PCSK5: variants seen among roughly 807,000 people sequenced by gnomAD.
PCSK5 encodes the protein proprotein convertase subtilisin/kexin type 5, also known as prohormone convertase 5.
In PCSK5, 129 loss-of-function variants were observed where a neutral mutation model predicts 233.2. The ratio of observed to expected loss-of-function variants is 0.55; its 90% CI spans 0.48 to 0.64. The LOEUF is 0.64. Among genes scored for constraint, PCSK5 ranks in the 30% least tolerant of loss-of-function variants. PCSK5 has a pLI of 0.00. For missense variants in PCSK5, 2,076 were observed against 2,430.1 expected (o/e 0.85, Z 3.06); for synonymous variants, 825 against 879.2 (o/e 0.94, Z 1.09).
At chr9:76,140,430 A>T (rs1027043441) in intron 10 of PCSK5, among the ~76,000 whole-genome samples, 1 of 152,090 alleles carries the variant, frequency 6.6e-6, no homozygotes, top group Non-Finnish European at 1.5e-5. Context: ...AATTGAATGA[A>T]AAGTGCTTTG....
chr9:75,980,498 A>G (rs1166752524), intron 2 of PCSK5, among the ~76,000 whole-genome samples: 3 of 152,210 alleles, frequency 2.0e-5, no homozygotes, highest in Non-Finnish European at 4.4e-5. Context: ...AATAAGATTC[A>G]AAATGTCTGT....
chr9:76,154,862 G>C (rs929796915), intron 10 of PCSK5, among the ~76,000 whole-genome samples: 1 of 152,096 alleles, frequency 6.6e-6, no homozygotes, highest in African/African-American at 2.4e-5. Context: ...AGTTCCTTAA[G>C]CCCAAATTTG....
At chr9:75,897,140 G>A (rs947530663) in intron 1 of PCSK5, among the ~76,000 whole-genome samples, 6 of 152,154 alleles carry the variant, frequency 3.9e-5, no homozygotes, top group African/African-American at 1.4e-4. Flanking sequence ...TAGTGAAGAT[G>A]AGTGTGTATT....
intron 2 of PCSK5, 94 bp downstream of exon 2, chr9:75,932,577 C>G: frequency 1.3e-6 from 1 of 758,506 alleles, no homozygotes. Context: ...AGCATGAAGG[C>G]TCAGATTTCT....
intron 21 of PCSK5, among the ~76,000 whole-genome samples, chr9:76,230,965 T>C (rs569410126): frequency 6.6e-6 from 1 of 152,086 alleles, no homozygotes; most frequent in Non-Finnish European, 1.5e-5. Flanking sequence ...ACTTGAATCA[T>C]CCCAAAACCA....
At position 76,157,204 on chromosome 9, in the gene PCSK5, A is replaced by G. The variant is rs777763840; in HGVS notation, c.1430+42A>G. 6.0e-6 allele frequency: 8 copies of G among 1,324,018 alleles called. No individual in the cohort carries two copies. The South Asian group carries it at 8.2e-5, about 14-fold the overall frequency. The allele number at this position is 1,324,018 out of a possible 1,614,324, so 82.0% of individuals were successfully genotyped here. ...GCAAACAGCATGACAATGCCCCAAA[A>G]TAGAGCAAGCCAGTCAATTGCTCAA... On this transcript the variant is annotated intron_variant, in intron 11 of 37. Coordinates refer to ENST00000674117, the MANE Select transcript of PCSK5 (RefSeq NM_001372043.1).
chr9:76,146,835 A>C (rs1422474205), intron 10 of PCSK5, among the ~76,000 whole-genome samples: 1 of 152,166 alleles, frequency 6.6e-6, no homozygotes, highest in Non-Finnish European at 1.5e-5. Flanking sequence ...ACTTCTTTTC[A>C]TGTTCATGAG....
chr9:76,244,085 G>A (rs10869742), intron 24 of PCSK5, among the ~76,000 whole-genome samples: 61,713 of 151,892 alleles, frequency 0.41, 12,840 homozygotes, highest in Middle Eastern at 0.45. Context: ...AACTAGCCAA[G>A]TGTGATGGCA....
At chr9:76,242,020 C>T (rs1054491743) in intron 24 of PCSK5, among the ~76,000 whole-genome samples, 3 of 152,196 alleles carry the variant, frequency 2.0e-5, no homozygotes, top group African/African-American at 7.2e-5. Context: ...CATGAAGTTA[C>T]TAGGGGTAAG....
chr9:75,915,818 A>G (rs1221670815), intron 1 of PCSK5, among the ~76,000 whole-genome samples: 1 of 152,248 alleles, frequency 6.6e-6, no homozygotes, highest in Non-Finnish European at 1.5e-5. Flanking sequence ...TTCTTTTGGT[A>G]AAACACTGTA....
intron 22 of PCSK5, among the ~76,000 whole-genome samples, chr9:76,235,304 A>G (rs1033002990): frequency 3.2e-5 from 4 of 123,798 alleles, no homozygotes; most frequent in African/African-American, 1.2e-4. Flanking sequence ...ATTTGCAACA[A>G]AAAAAAAGAA....
At chr9:76,211,636 C>T (rs1433702397) in intron 20 of PCSK5, among the ~76,000 whole-genome samples, 1 of 152,122 alleles carries the variant, frequency 6.6e-6, no homozygotes, top group Admixed American at 6.5e-5. Context: ...TCACTGGAGG[C>T]CAAAAAGTTC....
intron 20 of PCSK5, chr9:76,194,866 A>G: frequency 2.6e-6 from 1 of 386,862 alleles, no homozygotes; most frequent in East Asian, 9.0e-5. Flanking sequence ...AGCCTTACTT[A>G]GAAGATGCTG....
chr9:76,256,822 C>T (rs1316214210), intron 24 of PCSK5, among the ~76,000 whole-genome samples: 1 of 152,186 alleles, frequency 6.6e-6, no homozygotes, highest in Admixed American at 6.5e-5. Flanking sequence ...TCATTTCCAT[C>T]CTTCCCTTAA....
chr9:76,295,081 G>A lies in PCSK5; in HGVS notation c.3186-194G>A, dbSNP rs372611806. Among the ~76,000 whole-genome samples the A allele has an allele frequency of 1.4e-4, 22 of 152,196 alleles. No homozygotes were observed. The East Asian group carries it at 3.7e-3, about 25-fold the overall frequency. Reference sequence around the variant, plus strand: ...AGGCAAGAGAATCACTTGAGCCCGGGAGACAGAAGTTGCAGTGAGCCGAGA... The same window carrying A: ...AGGCAAGAGAATCACTTGAGCCCGGAAGACAGAAGTTGCAGTGAGCCGAGA... On this transcript the variant is annotated intron_variant, in intron 25 of 37. Transcript: ENST00000674117.
intron 20 of PCSK5, among the ~76,000 whole-genome samples, chr9:76,203,120 C>A (rs569211411): frequency 1.3e-5 from 2 of 152,204 alleles, no homozygotes; most frequent in South Asian, 4.2e-4. Flanking sequence ...CAGCATCATC[C>A]CTGTGAACCT....
intron 5 of PCSK5, among the ~76,000 whole-genome samples, chr9:76,041,143 G>T (rs925703910): frequency 1.3e-5 from 2 of 152,062 alleles, no homozygotes; most frequent in African/African-American, 4.8e-5. Context: ...TATTTACGTG[G>T]TAGAATTTCT....
At chr9:76,061,110 A>G (rs2131580267) in intron 5 of PCSK5, among the ~76,000 whole-genome samples, 1 of 152,274 alleles carries the variant, frequency 6.6e-6, no homozygotes. Context: ...TACTAATTCC[A>G]TTTTAAGTAA....
intron 20 of PCSK5, among the ~76,000 whole-genome samples, chr9:76,223,642 T>C (rs1008130569): frequency 2.4e-4 from 36 of 152,200 alleles, no homozygotes; most frequent in Admixed American, 1.4e-3. Context: ...GAATGGAACA[T>C]TTTTTGATCA....
Sources: gnomAD v4.1 joint callset for allele counts (sites outside exome capture counted in the v4.1 genomes callset) on GRCh38, gnomAD v4.1.1 for gene constraint, MANE v1.5 for transcripts, NCBI Gene and HGNC (gene_info 2026-07-23, HGNC 2026-07-21) for gene names.